PACSIN2: variants seen among roughly 807,000 people sequenced by gnomAD.
PACSIN2 encodes protein kinase C and casein kinase substrate in neurons protein 2.
In PACSIN2, 25 loss-of-function variants were observed where a neutral mutation model predicts 63.8. That is an observed-to-expected ratio of 0.39 (90% confidence interval 0.29 to 0.55). The LOEUF (loss-of-function observed/expected upper bound fraction) is 0.55. PACSIN2 is among the 20% of genes least tolerant of loss of function. The pLI, the probability that PACSIN2 is intolerant of heterozygous loss-of-function variation, is 0.62. For synonymous variants in PACSIN2, 255 were observed against 256.2 expected (o/e 1.00, Z 0.05); for missense variants, 518 against 646.9 (o/e 0.80, Z 2.16).
chr22:42,935,332 C>A (rs772621993), intron 1 of PACSIN2, among the ~76,000 whole-genome samples: 2 of 152,144 alleles, frequency 1.3e-5, no homozygotes, highest in Non-Finnish European at 2.9e-5. Flanking sequence ...TGACCTAACT[C>A]ACCATTTCTC....
At chr22:42,873,990 A>T (rs1928374415) in intron 10 of PACSIN2, among the ~76,000 whole-genome samples, 1 of 152,056 alleles carries the variant, frequency 6.6e-6, no homozygotes, top group African/African-American at 2.4e-5. Flanking sequence ...GGGTTTCACC[A>T]TGTTGGCCAG....
chr22:42,937,581 G>A (rs1031924896), intron 1 of PACSIN2, among the ~76,000 whole-genome samples: 5 of 152,018 alleles, frequency 3.3e-5, no homozygotes, highest in African/African-American at 1.2e-4. Flanking sequence ...ATCTCCACAC[G>A]GCCTCATTCT....
intron 1 of PACSIN2, among the ~76,000 whole-genome samples, chr22:42,918,985 C>A (rs1009825033): frequency 6.6e-6 from 1 of 152,190 alleles, no homozygotes; most frequent in Non-Finnish European, 1.5e-5. Context: ...TGTTTCCTGG[C>A]TCTGCTTCAT....
chr22:42,887,255 C>T (rs1007033564), intron 5 of PACSIN2, among the ~76,000 whole-genome samples: 1 of 152,178 alleles, frequency 6.6e-6, no homozygotes, highest in Non-Finnish European at 1.5e-5. Flanking sequence ...GACGAACTCT[C>T]GTGTAGATGA....
At chr22:42,938,699 G>A (rs1190882576) in intron 1 of PACSIN2, among the ~76,000 whole-genome samples, 1 of 152,180 alleles carries the variant, frequency 6.6e-6, no homozygotes, top group Non-Finnish European at 1.5e-5. Flanking sequence ...ACCCGTGCCT[G>A]GCTGGTGAAG....
chr22:43,000,743 G>A (rs896587546), intron 1 of PACSIN2, among the ~76,000 whole-genome samples: 1 of 152,118 alleles, frequency 6.6e-6, no homozygotes. Flanking sequence ...AATCCAAAAG[G>A]AAATACAAGA....
chr22:42,903,163 C>T (rs1214146094), intron 2 of PACSIN2, among the ~76,000 whole-genome samples: 3 of 152,200 alleles, frequency 2.0e-5, no homozygotes, highest in East Asian at 1.9e-4. Context: ...AGCCAACCCA[C>T]GTCCCAGGCA....
At chr22:42,933,169 A>G (rs1932817695) in intron 1 of PACSIN2, among the ~76,000 whole-genome samples, 1 of 152,260 alleles carries the variant, frequency 6.6e-6, no homozygotes, top group African/African-American at 2.4e-5. Context: ...TTATCCCTGA[A>G]AAGTTGAGGT....
chr22:42,935,560 G>A (rs1230207733), intron 1 of PACSIN2, among the ~76,000 whole-genome samples: 3 of 152,166 alleles, frequency 2.0e-5, no homozygotes, highest in Admixed American at 6.5e-5. Flanking sequence ...AATGGACTTC[G>A]TGAGGGATGA....
intron 2 of PACSIN2, among the ~76,000 whole-genome samples, chr22:42,899,881 C>A (rs1048769291): frequency 6.6e-6 from 1 of 152,192 alleles, no homozygotes; most frequent in African/African-American, 2.4e-5. Flanking sequence ...ATTAAGAATA[C>A]GTGCACATGA....
intron 1 of PACSIN2, among the ~76,000 whole-genome samples, chr22:42,924,743 C>T (rs1932422972): frequency 6.6e-6 from 1 of 151,884 alleles, no homozygotes; most frequent in African/African-American, 2.4e-5. Flanking sequence ...GCCCCCACCC[C>T]AGTGAGGTTT....
intron 4 of PACSIN2, among the ~76,000 whole-genome samples, chr22:42,890,610 C>A (rs1022138819): frequency 1.3e-5 from 2 of 152,072 alleles, no homozygotes; most frequent in Admixed American, 6.5e-5. Flanking sequence ...CCCAGCTACT[C>A]GGAGGGCTGA....
chr22:42,907,677 G>A (rs779183985), intron 2 of PACSIN2, among the ~76,000 whole-genome samples: 67 of 152,380 alleles, frequency 4.4e-4, no homozygotes, highest in Admixed American at 1.4e-3. Flanking sequence ...ATTGACATTC[G>A]CTCGCTTCGT....
chr22:42,957,499 T>C (rs2146842472), intron 1 of PACSIN2, among the ~76,000 whole-genome samples: 1 of 152,338 alleles, frequency 6.6e-6, no homozygotes, highest in South Asian at 2.1e-4. Flanking sequence ...TCAGCATACC[T>C]GTTTATAACT....
intron 1 of PACSIN2, among the ~76,000 whole-genome samples, chr22:43,014,372 C>G (rs1219294258): frequency 5.6e-5 from 1 of 18,008 alleles, no homozygotes; most frequent in Non-Finnish European, 1.0e-4. Flanking sequence ...ACACCACCCC[C>G]CCCCCCCCGG....
intron 1 of PACSIN2, among the ~76,000 whole-genome samples, chr22:42,920,053 A>G (rs1321140674): frequency 6.6e-6 from 1 of 152,038 alleles, no homozygotes; most frequent in African/African-American, 2.4e-5. Context: ...GGCTGCAGTG[A>G]GCTACGATCA....
At chr22:42,880,243 C>A (rs569156136) in intron 7 of PACSIN2, among the ~76,000 whole-genome samples, 2 of 152,196 alleles carry the variant, frequency 1.3e-5, no homozygotes, top group Non-Finnish European at 2.9e-5. Flanking sequence ...AAACTGAGGC[C>A]CAGAAAGGCA....
chr22:42,904,147 T>G (rs1010408179), intron 2 of PACSIN2, among the ~76,000 whole-genome samples: 1 of 152,144 alleles, frequency 6.6e-6, no homozygotes, highest in Non-Finnish European at 1.5e-5. Context: ...AAAGGATGTG[T>G]TTACGCAAAG....
intron 1 of PACSIN2, among the ~76,000 whole-genome samples, chr22:42,933,635 A>G (rs1932828066): frequency 6.6e-6 from 1 of 152,192 alleles, no homozygotes; most frequent in South Asian, 2.1e-4. Context: ...AAGTGGCTCC[A>G]CACAGATGAC....
Sources: gnomAD v4.1 joint callset for allele counts (sites outside exome capture counted in the v4.1 genomes callset) on GRCh38, gnomAD v4.1.1 for gene constraint, MANE v1.5 for transcripts, NCBI Gene and HGNC (gene_info 2026-07-23, HGNC 2026-07-21) for gene names.